The following FRYL variants were observed in gnomAD, a reference collection of about 807,000 sequenced individuals.
The protein encoded by FRYL is protein furry homolog-like.
FRYL carries 150 observed loss-of-function variants against 351.2 expected under a neutral mutation model. The ratio of observed to expected loss-of-function variants is 0.43; its 90% CI spans 0.37 to 0.49. The LOEUF is 0.49. Ranked by LOEUF, FRYL falls within the 20% of genes least tolerant of loss-of-function variation. The probability of loss-of-function intolerance (pLI) is 0.00; values close to 1 mark genes in which losing one functional copy is unlikely to be tolerated. For synonymous variants in FRYL, 1,153 were observed against 1,257.1 expected (o/e 0.92, Z 1.75); for missense variants, 3,036 against 3,619.3 (o/e 0.84, Z 4.13).
chr4:48,623,843 T>C lies in FRYL; in HGVS notation c.121-664A>G, dbSNP rs540798610. Among the ~76,000 whole-genome samples the C allele has an allele frequency of 2.0e-5, 3 of 151,964 alleles. No homozygotes were observed. The East Asian group carries it at 5.8e-4, about 29-fold the overall frequency. On this transcript the variant is annotated intron_variant, in intron 4 of 63. Transcript: ENST00000358350. Reference sequence around the variant, plus strand: ...AAGAAATACTTTGGGTATAATATATTGTATATACACATTCACTTACATTGG... The same window carrying C: ...AAGAAATACTTTGGGTATAATATATCGTATATACACATTCACTTACATTGG...
intron 3 of FRYL, among the ~76,000 whole-genome samples, chr4:48,658,644 C>T (rs1759763501): frequency 6.7e-6 from 1 of 149,622 alleles, no homozygotes; most frequent in Admixed American, 6.6e-5. Flanking sequence ...GTTCCAGCTA[C>T]TCAGGAGGAT....
intron 11 of FRYL, among the ~76,000 whole-genome samples, chr4:48,604,262 G>C (rs1746285196): frequency 6.6e-6 from 1 of 152,176 alleles, no homozygotes; most frequent in Admixed American, 6.5e-5. Context: ...AGAGAAAGAG[G>C]GGAGGGAGGT....
intron 8 of FRYL, 71 bp from the exon 9 acceptor site, chr4:48,609,138 G>T: frequency 1.2e-6 from 1 of 867,476 alleles, no homozygotes; most frequent in Non-Finnish European, 1.9e-6. Context: ...TAATACATAT[G>T]AAAATTCCTT....
chr4:48,753,378 CT>C (rs557581927), intron 1 of FRYL, among the ~76,000 whole-genome samples: 375 of 152,288 alleles, frequency 2.5e-3, no homozygotes, highest in African/African-American at 8.4e-3. Context: ...ATTTGAGTCC[CT>C]TCACAAGACT....
At chr4:48,548,651 A>C in intron 40 of FRYL, 39 bp downstream of exon 40, 1 of 1,106,970 alleles carries the variant, frequency 9.0e-7, no homozygotes, top group African/African-American at 1.6e-5. Context: ...ATTATCATAA[A>C]AATATAACAT....
intron 1 of FRYL, among the ~76,000 whole-genome samples, chr4:48,729,719 C>A (rs2149623837): frequency 6.6e-6 from 1 of 152,200 alleles, no homozygotes; most frequent in East Asian, 1.9e-4. Context: ...ACATACCCAC[C>A]AAAACCCCAT....
intron 38 of FRYL, 119 bp downstream of exon 38, chr4:48,550,473 T>C (rs1445331498): frequency 6.1e-6 from 4 of 652,092 alleles, no homozygotes; most frequent in East Asian, 5.5e-5. Context: ...ACACCACTAG[T>C]GGCAGTTAAA....
At chr4:48,602,788 T>C (rs940172244) in intron 12 of FRYL, among the ~76,000 whole-genome samples, 1 of 152,196 alleles carries the variant, frequency 6.6e-6, no homozygotes, top group Admixed American at 6.5e-5. Context: ...AAAATCACTT[T>C]ATGACAGTGA....
At position 48,620,723 on chromosome 4, in the gene FRYL, G is replaced by C. The variant is rs1275649848; in HGVS notation, c.230C>G (p.Thr77Ser). The C allele has an allele frequency of 6.2e-7, 1 of 1,613,888 alleles. No homozygotes were observed. Among genetic ancestry groups the C allele is most frequent in the African/African-American group, 1.3e-5 (1 of 75,012 alleles). Residue 77 changes from threonine (T) to serine (S), a missense_variant, in exon 6 of 64, where the codon ACC becomes AGC. Physicochemically the swap from Thr to Ser is moderately conservative, Grantham distance 58. Transcript: ENST00000358350. ...AEHCLPSLLR[T>S]LFDWYRRQNG... The stretch of plus-strand genomic sequence containing the variant: ...TTGGCGTCTGTACCAGTCAAACAAG[G>C]TGCGAAGTAAGGAAGGGAGACAGTG...
chr4:48,537,218 T>A (rs1337605395), intron 47 of FRYL, among the ~76,000 whole-genome samples: 2 of 152,184 alleles, frequency 1.3e-5, no homozygotes, highest in Non-Finnish European at 2.9e-5. Flanking sequence ...TCTTAAATAA[T>A]TTTTTTAAGG....
chr4:48,677,726 T>A (rs890049239), intron 3 of FRYL, among the ~76,000 whole-genome samples: 2 of 152,214 alleles, frequency 1.3e-5, no homozygotes, highest in African/African-American at 4.8e-5. Flanking sequence ...AATAACTTTT[T>A]AAATATTGAA....
At chr4:48,559,437 T>A (rs773711136) in intron 33 of FRYL, among the ~76,000 whole-genome samples, 12 of 129,106 alleles carry the variant, frequency 9.3e-5, no homozygotes, top group Admixed American at 1.9e-4. Flanking sequence ...CTCATGTCTG[T>A]AATCCTAAGT....
chr4:48,680,574 C>A (rs1041372736), intron 3 of FRYL, among the ~76,000 whole-genome samples: 2 of 151,850 alleles, frequency 1.3e-5, no homozygotes, highest in African/African-American at 4.8e-5. Context: ...TATTTTTAAA[C>A]AAAATTTAAA....
At chr4:48,731,114 GA>G (rs1770676004) in intron 1 of FRYL, among the ~76,000 whole-genome samples, 2 of 151,600 alleles carry the variant, frequency 1.3e-5, no homozygotes, top group African/African-American at 4.8e-5. Flanking sequence ...AAGACCAAAA[GA>G]AACAAAGAAG....
intron 55 of FRYL, among the ~76,000 whole-genome samples, chr4:48,519,881 G>C (rs1027387115): frequency 1.3e-5 from 2 of 151,960 alleles, no homozygotes; most frequent in Non-Finnish European, 2.9e-5. Flanking sequence ...CTACACGTGT[G>C]CACCACCACA....
intron 1 of FRYL, among the ~76,000 whole-genome samples, chr4:48,747,102 G>C (rs1355698805): frequency 6.6e-6 from 1 of 152,158 alleles, no homozygotes; most frequent in African/African-American, 2.4e-5. Context: ...CTGGGAGATT[G>C]GGGAGAGAAG....
Position 48,515,237 on chromosome 4 carries a change from G to C in FRYL, c.7728C>G (p.Thr2576=). Residue 2576 remains threonine (T), a synonymous_variant, in exon 56 of 64, where the codon ACC becomes ACG. Coordinates refer to ENST00000358350, the MANE Select transcript of FRYL (RefSeq NM_015030.2). ...TTATATAGGATCCTTCATCTTCAAA[G>C]GTTGTAACATGTTCCTCCTTTAATA... ...TSVLKEEHVT[T]FEDEGSYIIQ... The C allele has an allele frequency of 1.2e-6, 2 of 1,610,680 alleles. No homozygotes were observed. The highest frequency in any genetic ancestry group is 1.7e-6 in the Non-Finnish European group (2 of 1,177,170).
chr4:48,604,223 G>C (rs931818116), intron 11 of FRYL, among the ~76,000 whole-genome samples: 1 of 152,192 alleles, frequency 6.6e-6, no homozygotes, highest in African/African-American at 2.4e-5. Flanking sequence ...CACTCAATAA[G>C]TAAATGAGTA....
At chr4:48,593,659 C>T (rs1179408933) in intron 16 of FRYL, among the ~76,000 whole-genome samples, 7 of 152,122 alleles carry the variant, frequency 4.6e-5, no homozygotes, top group Non-Finnish European at 7.3e-5. Context: ...CCACCGTGCC[C>T]GGCCTATTTA....
Sources: gnomAD v4.1 joint callset for allele counts (sites outside exome capture counted in the v4.1 genomes callset) on GRCh38, gnomAD v4.1.1 for gene constraint, MANE v1.5 for transcripts, NCBI Gene and HGNC (gene_info 2026-07-23, HGNC 2026-07-21) for gene names.